The following BOP1 variants were observed in gnomAD, a reference collection of about 807,000 sequenced individuals.
BOP1 encodes the protein BOP1 ribosomal biogenesis factor.
In BOP1, 54 loss-of-function variants were observed where a neutral mutation model predicts 82.9. The ratio of observed to expected loss-of-function variants is 0.65; its 90% CI spans 0.52 to 0.82. The LOEUF is 0.82. Among genes scored for constraint, BOP1 ranks in the 40% least tolerant of loss-of-function variants. BOP1 has a pLI of 0.00. For missense variants in BOP1, 1,170 were observed against 1,072.0 expected, an observed-to-expected ratio of 1.09 and a Z score of -1.28; for synonymous variants, 566 against 451.1, an observed-to-expected ratio of 1.25 and a Z score of -3.23.
chr8:144,262,730 C>G, intron 13 of BOP1, 58 bp from the exon 14 acceptor site: 5 of 1,530,478 alleles, frequency 3.3e-6, no homozygotes, highest in Non-Finnish European at 4.4e-6. Flanking sequence ...GTGCACTGCC[C>G]TGCCCGTCAC....
chr8:144,283,399 A>G (rs1814772367), intron 2 of BOP1, among the ~76,000 whole-genome samples: 1 of 152,202 alleles, frequency 6.6e-6, no homozygotes, highest in Non-Finnish European at 1.5e-5. Context: ...AGCTAAGTGC[A>G]TGGATGATGC....
At chr8:144,263,178 G>A in intron 12 of BOP1, 37 bp from the exon 13 acceptor site, 1 of 1,591,766 alleles carries the variant, frequency 6.3e-7, no homozygotes, top group Non-Finnish European at 8.5e-7. Context: ...GGCTGAGCCG[G>A]GCCCCTCCCG....
intron 3 of BOP1, among the ~76,000 whole-genome samples, chr8:144,274,199 C>T (rs1395954994): frequency 1.3e-5 from 2 of 152,160 alleles, no homozygotes; most frequent in Non-Finnish European, 1.5e-5. Flanking sequence ...CACGCCCCAG[C>T]GGCGCCCTCC....
chr8:144,264,329 C>T lies in BOP1; in HGVS notation c.874G>A (p.Val292Met), dbSNP rs960068714. The T allele has an allele frequency of 3.8e-4, 617 of 1,609,460 alleles. 3 individuals carry two copies. Among genetic ancestry groups the T allele is most frequent in the Admixed American group, 4.0e-4 (24 of 59,920 alleles). The change falls in exon 7 of 16, where the codon GTG (valine) becomes ATG (methionine). Residue 292 changes from valine to methionine, a missense_variant. Val to Met is a conservative substitution (Grantham distance 21). Transcript: ENST00000569669. ...ACGTGCATCTTGTGGCGCCCGAGCA[C>T]GGCGTTGGGGTCCTCCTGGGCCCAC... ...DLWAQEDPNAVLGRHKMHVPA... is the reference protein window; with the variant it reads ...DLWAQEDPNAMLGRHKMHVPA...
rs959771885 is a variant in BOP1, at chr8:144,270,865, G to T, written c.390+5359C>A. Among the ~76,000 whole-genome samples, 54 of 152,224 alleles carry T rather than the reference G, an allele frequency of 3.5e-4. 1 individual carries two copies. Among genetic ancestry groups the T allele is most frequent in the African/African-American group, 1.3e-3 (52 of 41,544 alleles). On this transcript the variant is annotated intron_variant, in intron 3 of 15. Coordinates refer to ENST00000569669, the MANE Select transcript of BOP1 (RefSeq NM_015201.5). ...GGAAGGGGCCCCAGCCTGCACCCTG[G>T]GCCAGCAGCCGCCCCTGCGAGCCGA...
chr8:144,268,469 A>ATATCTTCCATATCTTCC (rs1845433077), intron 3 of BOP1: 7 of 486,708 alleles, frequency 1.4e-5, no homozygotes, highest in Non-Finnish European at 2.2e-5. Context: ...AAAACAAAAC[A>ATATCTTCCATATCTTCC]GTATCTTCCA....
chr8:144,290,324 G>A (rs1486344639), intron 1 of BOP1, among the ~76,000 whole-genome samples: 2 of 140,762 alleles, frequency 1.4e-5, no homozygotes, highest in Non-Finnish European at 3.0e-5. Flanking sequence ...GGGCAACAGA[G>A]CCAGGCTCTG....
At chr8:144,289,433 C>G (rs1814972709) in intron 1 of BOP1, 129 bp from the exon 2 acceptor site, 1 of 899,650 alleles carries the variant, frequency 1.1e-6, no homozygotes, top group Non-Finnish European at 1.7e-6. Context: ...GGACCACACC[C>G]CTCCAGTCAC....
At position 144,263,764 on chromosome 8, in the gene BOP1, G is replaced by A. The variant is rs1588587962; in HGVS notation, c.1222-3C>T. The stretch of plus-strand genomic sequence containing the variant: ...AGGTCACTGTGGCCCCTGTAGACCT[G>A]AGGAGGCGGCGGCAGTGAGGAGTCA... On this transcript the variant is annotated splice_polypyrimidine_tract_variant and splice_region_variant and intron_variant, in intron 9 of 15. Coordinates refer to ENST00000569669, the MANE Select transcript of BOP1 (RefSeq NM_015201.5). The A allele has an allele frequency of 1.3e-6, 2 of 1,582,474 alleles. No individual in the cohort carries two copies. Among genetic ancestry groups the A allele is most frequent in the East Asian group, 2.3e-5 (1 of 43,914 alleles).
Position 144,291,202 on chromosome 8 carries a change from C to A in BOP1, c.99+70G>T. The A allele has an allele frequency of 7.7e-7, 1 of 1,300,938 alleles. No individual in the cohort carries two copies. The highest frequency in any genetic ancestry group is 9.8e-7 in the Non-Finnish European group (1 of 1,019,284). 80.6% of individuals were successfully genotyped at this position (1,300,938 alleles called of 1,614,324 possible). On this transcript the variant is annotated intron_variant, in intron 1 of 15. Transcript: ENST00000569669. This position sits in a 1 kb window ranked among gnomAD's most constrained non-coding sequence, Gnocchi z 4.1. ...AGGTGACAGAAGCCGGGCCCACCCGCCCCAGCGCGGCCACGTGCCCGCCGG... is the reference window on the plus strand; with the variant it reads ...AGGTGACAGAAGCCGGGCCCACCCGACCCAGCGCGGCCACGTGCCCGCCGG...
At position 144,264,919 on chromosome 8, in the gene BOP1, G is replaced by A; in HGVS notation, c.543C>T (p.Tyr181=). 1.3e-6 allele frequency: 2 copies of A among 1,599,952 alleles called. No individual in the cohort carries two copies. Among genetic ancestry groups the A allele is most frequent in the Non-Finnish European group, 1.7e-6 (2 of 1,174,118 alleles). The part of the protein sequence containing the change: ...QFLDKMDDPD[Y]WRTVQDPMTG... ...GGCCCCACCCCACCAGCCCTCACCA[G>A]TAGTCAGGATCGTCCATCTTGTCCA... The change falls in exon 4 of 16, where the codon TAC becomes TAT. Residue 181 remains tyrosine (Y), a splice_region_variant and synonymous_variant. Coordinates refer to ENST00000569669, the MANE Select transcript of BOP1 (RefSeq NM_015201.5).
chr8:144,275,342 C>G (rs995379311), intron 3 of BOP1, among the ~76,000 whole-genome samples: 1 of 152,184 alleles, frequency 6.6e-6, no homozygotes, highest in Non-Finnish European at 1.5e-5. Flanking sequence ...GGCTTCAGAG[C>G]TTCTCAGAGC....
At chr8:144,285,752 C>T (rs1184596614) in intron 2 of BOP1, among the ~76,000 whole-genome samples, 2 of 152,234 alleles carry the variant, frequency 1.3e-5, no homozygotes, top group Admixed American at 6.5e-5. Flanking sequence ...GCAGGGGCAT[C>T]GGGGGCAGAA....
At chr8:144,276,730 G>A (rs1003937158) in intron 2 of BOP1, among the ~76,000 whole-genome samples, 17 of 152,310 alleles carry the variant, frequency 1.1e-4, no homozygotes, top group South Asian at 6.2e-4. Flanking sequence ...CGCCTGGGAC[G>A]GGGGCAGCAT....
At chr8:144,273,486 G>A (rs1001536420) in intron 3 of BOP1, among the ~76,000 whole-genome samples, 265 of 152,352 alleles carry the variant, frequency 1.7e-3, no homozygotes, top group African/African-American at 6.0e-3. Context: ...AGAGTGGACG[G>A]CCACCCAGAT....
At chr8:144,266,869 G>C (rs1564596174) in intron 3 of BOP1, 3 of 1,472,950 alleles carry the variant, frequency 2.0e-6, no homozygotes, top group South Asian at 1.2e-5. Context: ...GCGCGAGCGA[G>C]ACCGCACCAA....
At chr8:144,270,480 C>CCG (rs1350098136) in intron 3 of BOP1, among the ~76,000 whole-genome samples, 3 of 152,186 alleles carry the variant, frequency 2.0e-5, no homozygotes, top group Non-Finnish European at 4.4e-5. Flanking sequence ...CTGACTCCGA[C>CCG]CGCGGCTGCA....
chr8:144,288,555 C>A (rs1554839722), intron 2 of BOP1, among the ~76,000 whole-genome samples: 1 of 152,112 alleles, frequency 6.6e-6, no homozygotes, highest in African/African-American at 2.4e-5. Context: ...AAAAAAATAA[C>A]AAATGCTGTG....
chr8:144,280,955 T>TCGGCC (rs1845660216), intron 2 of BOP1, among the ~76,000 whole-genome samples: 4 of 150,496 alleles, frequency 2.7e-5, no homozygotes, highest in African/African-American at 7.4e-5. Context: ...TACCAGGTCT[T>TCGGCC]TGGCCTTCTC....
Sources: gnomAD v4.1 joint callset for allele counts (sites outside exome capture counted in the v4.1 genomes callset) on GRCh38, gnomAD v4.1.1 for gene constraint, Gnocchi (gnomAD v3.1) non-coding constraint, MANE v1.5 for transcripts, NCBI Gene and HGNC (gene_info 2026-07-23, HGNC 2026-07-21) for gene names.